Variants in ADGRF1 observed in about 807,000 individuals in gnomAD.
The protein encoded by ADGRF1 is adhesion G protein-coupled receptor F1, also known as G protein-coupled receptor 110.
In ADGRF1, 85 loss-of-function variants were observed where a neutral mutation model predicts 87.2. The observed-to-expected ratio is 0.97, with a 90% CI of 0.82 to 1.17. The LOEUF (loss-of-function observed/expected upper bound fraction) is 1.17. Among genes scored for constraint, ADGRF1 ranks in the 50% most tolerant of loss-of-function variants. ADGRF1 has a pLI of 0.00. For synonymous variants in ADGRF1, 430 were observed against 408.8 expected (o/e 1.05, Z -0.63); for missense variants, 1,169 against 1,077.2 (o/e 1.09, Z -1.19).
chr6:47,003,967 C>A (rs1779438004), intron 13 of ADGRF1, among the ~76,000 whole-genome samples: 1 of 152,126 alleles, frequency 6.6e-6, no homozygotes, highest in African/African-American at 2.4e-5. Flanking sequence ...AGCTAAGGAG[C>A]AAATCCCTCC....
intron 13 of ADGRF1, among the ~76,000 whole-genome samples, chr6:47,002,929 T>G (rs1779400863): frequency 1.3e-5 from 2 of 152,150 alleles, no homozygotes; most frequent in Admixed American, 1.3e-4. Context: ...ACTGCTCTGT[T>G]CAGGATCCCT....
At chr6:47,007,582 C>G (rs1018091161) in intron 11 of ADGRF1, among the ~76,000 whole-genome samples, 1 of 152,190 alleles carries the variant, frequency 6.6e-6, no homozygotes, top group Non-Finnish European at 1.5e-5. Context: ...CCATCCCAAC[C>G]CAAACAAATA....
chr6:47,020,778 T>C lies in ADGRF1; in HGVS notation c.564A>G (p.Ala188=). ...ANGIEIQLKK[A]YERIQGFESV... The stretch of plus-strand genomic sequence containing the variant: ...ACTCAAAACCTTGAATTCTTTCATA[T>C]GCTTTTTTAAGCTTAGAAAGAGAAC... The change falls in exon 7 of 15, where the codon GCA becomes GCG. Residue 188 remains alanine, a synonymous_variant. Coordinates refer to ENST00000371253, the MANE Select transcript of ADGRF1 (RefSeq NM_153840.4). 2 of 1,613,768 alleles carry C rather than the reference T, an allele frequency of 1.2e-6. No homozygotes were observed. The highest frequency in any genetic ancestry group is 1.3e-5 in the African/African-American group (1 of 75,066).
At chr6:47,005,434 C>T (rs2113876370) in intron 13 of ADGRF1, among the ~76,000 whole-genome samples, 1 of 152,226 alleles carries the variant, frequency 6.6e-6, no homozygotes, top group South Asian at 2.1e-4. Context: ...TTTTATCTGT[C>T]TAGAGAAGGA....
chr6:47,041,957 C>G (rs1780752290), intron 1 of ADGRF1, among the ~76,000 whole-genome samples: 1 of 152,066 alleles, frequency 6.6e-6, no homozygotes, highest in Non-Finnish European at 1.5e-5. Flanking sequence ...GTCAGAAAAT[C>G]TGGAGCTTGA....
chr6:47,030,632 T>C (rs2113904796), intron 1 of ADGRF1, among the ~76,000 whole-genome samples: 1 of 149,788 alleles, frequency 6.7e-6, no homozygotes, highest in Non-Finnish European at 1.5e-5. Context: ...CTTGGATATT[T>C]TCTACTTGTT....
At chr6:47,031,170 C>G (rs1353426181) in intron 1 of ADGRF1, among the ~76,000 whole-genome samples, 1 of 152,060 alleles carries the variant, frequency 6.6e-6, no homozygotes, top group Non-Finnish European at 1.5e-5. Flanking sequence ...AGTTTTGGTG[C>G]CTGCAGAGTG....
chr6:46,999,679 C>T lies in ADGRF1; in HGVS notation c.*543G>A, dbSNP rs1438441689. ...AAGTTTACATTTTATTTCTGATTAA[C>T]TTTCAATATTAAGTGATAGAACCTA... On this transcript the variant is annotated 3_prime_UTR_variant, in exon 15 of 15. Transcript: ENST00000371253. 1 of 152,400 alleles carries T rather than the reference C, an allele frequency of 6.6e-6. No homozygotes were observed. The highest frequency in any genetic ancestry group is 2.4e-5 in the African/African-American group (1 of 41,432). 9.4% of individuals were successfully genotyped at this position (152,400 alleles called of 1,614,324 possible).
In ADGRF1 at chr6:47,010,246, C is replaced by T. The variant is rs770429832; in HGVS notation, c.1189G>A (p.Glu397Lys). Reference protein sequence around the residue: ...VTNWTVLLREEKYASSRLLET... With the variant: ...VTNWTVLLREKKYASSRLLET... ...AGTAACCGTGAGCTGGCATACTTTT[C>T]TTCCCGCAGTAAGACTGTCCAGTTG... The change falls in exon 11 of 15, where the codon GAA (glutamate) becomes AAA (lysine). Residue 397 changes from glutamate to lysine, a missense_variant. Transcript: ENST00000371253. 1.2e-6 allele frequency: 2 copies of T among 1,613,938 alleles called. No homozygotes were observed. The highest frequency in any genetic ancestry group is 1.1e-5 in the South Asian group (1 of 91,076).
At chr6:47,027,646 G>T in intron 3 of ADGRF1, 58 bp downstream of exon 3, 1 of 1,189,670 alleles carries the variant, frequency 8.4e-7, no homozygotes, top group Non-Finnish European at 1.2e-6. Context: ...GCTGGGATTA[G>T]AAACCTGGTC....
chr6:47,015,834 G>A (rs1779858608), intron 8 of ADGRF1, among the ~76,000 whole-genome samples: 1 of 151,762 alleles, frequency 6.6e-6, no homozygotes, highest in Non-Finnish European at 1.5e-5. Flanking sequence ...CTGATCTCAG[G>A]CAATCTGCCC....
rs45626237 is a variant in ADGRF1, at chr6:47,010,107, C to G, written c.1328G>C (p.Arg443Thr). ...CATTTTAATCTGATAGCTGTAACCC[C>G]TTTTGAGTTGGCTTTTGTTCACTGG... is the stretch of plus-strand genomic sequence containing the variant. The part of the protein sequence containing the change: ...GIPVNKSQLK[R>T]GYSYQIKMCP... Residue 443 changes from arginine (R) to threonine (T), a missense_variant, in exon 11 of 15, where the codon AGG (arginine) becomes ACG (threonine). Coordinates refer to ENST00000371253, the MANE Select transcript of ADGRF1 (RefSeq NM_153840.4). The G allele has an allele frequency of 5.9e-4, 955 of 1,614,126 alleles. 1 individual carries two copies. The highest frequency in any genetic ancestry group is 7.6e-4 in the Non-Finnish European group (899 of 1,180,020).
chr6:47,028,947 G>T, intron 2 of ADGRF1, 46 bp downstream of exon 2: 1 of 1,473,980 alleles, frequency 6.8e-7, no homozygotes, highest in Non-Finnish European at 9.5e-7. Flanking sequence ...CGGAACGAGA[G>T]AGGAGAGTTA....
chr6:47,007,993 T>G (rs941250603), intron 11 of ADGRF1, among the ~76,000 whole-genome samples: 5 of 152,236 alleles, frequency 3.3e-5, no homozygotes, highest in Non-Finnish European at 7.3e-5. Flanking sequence ...GCATTTGTTA[T>G]GTGCCAGACA....
Position 47,026,005 on chromosome 6 carries a change from T to G in ADGRF1, c.128-2A>C. The G allele has an allele frequency of 3.8e-6, 6 of 1,571,020 alleles. No individual in the cohort carries two copies. The highest frequency in any genetic ancestry group is 5.2e-6 in the Non-Finnish European group (6 of 1,157,554). ...GCAGCTGATATTCTTCGACTGGGCC[T>G]AAAGAGAGAAAGAGAGTCAGAAACC... On this transcript the variant is annotated splice_acceptor_variant, in intron 3 of 14. Coordinates refer to ENST00000371253, the MANE Select transcript of ADGRF1 (RefSeq NM_153840.4). LOFTEE classifies it high-confidence loss of function.
At chr6:47,006,000 A>G in intron 12 of ADGRF1, 124 bp from the exon 13 acceptor site, 1 of 556,618 alleles carries the variant, frequency 1.8e-6, no homozygotes, top group Non-Finnish European at 3.2e-6. Context: ...TTAGTAGACC[A>G]TGAATGGATA....
At chr6:47,004,259 C>T (rs1779450638) in intron 13 of ADGRF1, among the ~76,000 whole-genome samples, 1 of 152,120 alleles carries the variant, frequency 6.6e-6, no homozygotes, top group South Asian at 2.1e-4. Context: ...ATTTGGGGTC[C>T]TTGGGGTCCT....
At chr6:47,004,080 C>T (rs1349482941) in intron 13 of ADGRF1, among the ~76,000 whole-genome samples, 2 of 152,064 alleles carry the variant, frequency 1.3e-5, no homozygotes, top group Non-Finnish European at 2.9e-5. Flanking sequence ...ACTGGCTCAC[C>T]CCTCCCAACA....
At chr6:47,012,976 G>T in intron 9 of ADGRF1, 1 of 723,868 alleles carries the variant, frequency 1.4e-6, no homozygotes, top group South Asian at 6.2e-5. Context: ...GTTTCACCAT[G>T]TTGGCCAGGC....
Sources: gnomAD v4.1 joint callset for allele counts (sites outside exome capture counted in the v4.1 genomes callset) on GRCh38, gnomAD v4.1.1 for gene constraint, MANE v1.5 for transcripts, NCBI Gene and HGNC (gene_info 2026-07-23, HGNC 2026-07-21) for gene names.